Variants in HHIP observed in about 807,000 individuals in gnomAD.
HHIP encodes the protein hedgehog interacting protein, also known as hedgehog-interacting protein.
HHIP carries 12 observed loss-of-function variants against 74.0 expected under a neutral mutation model. That is an observed-to-expected ratio of 0.16 (90% confidence interval 0.10 to 0.26). The LOEUF (loss-of-function observed/expected upper bound fraction) is 0.26. Among genes scored for constraint, HHIP ranks in the 10% least tolerant of loss-of-function variants. HHIP has a pLI of 1.00. For missense variants in HHIP, 788 were observed against 845.0 expected, an observed-to-expected ratio of 0.93 and a Z score of 0.84; for synonymous variants, 309 against 311.6, an observed-to-expected ratio of 0.99 and a Z score of 0.09.
At chr4:144,677,571 A>G (rs1414150457) in intron 4 of HHIP, among the ~76,000 whole-genome samples, 1 of 152,200 alleles carries the variant, frequency 6.6e-6, no homozygotes, top group Admixed American at 6.5e-5. Flanking sequence ...CTCAGCCACA[A>G]GTGTGGAAAG....
intron 1 of HHIP, among the ~76,000 whole-genome samples, 158 bp from the exon 2 acceptor site, chr4:144,652,447 T>C (rs1420349377): frequency 6.6e-6 from 1 of 152,134 alleles, no homozygotes; most frequent in African/African-American, 2.4e-5. Flanking sequence ...ACTTGTATCC[T>C]TATAAAGGCA....
chr4:144,721,386 C>A (rs1287404935), intron 11 of HHIP, among the ~76,000 whole-genome samples: 1 of 151,934 alleles, frequency 6.6e-6, no homozygotes, highest in African/African-American at 2.4e-5. Flanking sequence ...TTGGCAAAAA[C>A]AGATAAGGTT....
In HHIP at chr4:144,706,701, G is replaced by A. The variant is rs200075681; in HGVS notation, c.983+19G>A. ...TATCCAGGTATCACTAAAAGGCATC[G>A]AAGCATAGAAATTTCTCATCTTATT... is the stretch of plus-strand genomic sequence containing the variant. On this transcript the variant is annotated intron_variant, in intron 5 of 12. Transcript: ENST00000296575. 118 of 1,567,016 alleles carry A rather than the reference G, an allele frequency of 7.5e-5. No individual in the cohort carries two copies. The highest frequency in any genetic ancestry group is 9.5e-5 in the Non-Finnish European group (110 of 1,162,862).
At chr4:144,663,781 A>C (rs1222750555) in intron 4 of HHIP, among the ~76,000 whole-genome samples, 1 of 152,200 alleles carries the variant, frequency 6.6e-6, no homozygotes, top group African/African-American at 2.4e-5. Flanking sequence ...GCTAGTTGGC[A>C]AAATTGCTAT....
chr4:144,688,220 C>A (rs896375538), intron 4 of HHIP, among the ~76,000 whole-genome samples: 4 of 152,106 alleles, frequency 2.6e-5, no homozygotes, highest in African/African-American at 9.7e-5. Context: ...CCCAAGTCAG[C>A]CTTGGTTCCC....
intron 1 of HHIP, among the ~76,000 whole-genome samples, chr4:144,651,531 T>C (rs920173527): frequency 6.6e-6 from 1 of 152,028 alleles, no homozygotes; most frequent in Non-Finnish European, 1.5e-5. Flanking sequence ...GAATTTAAAA[T>C]GCTAATTTTG....
Position 144,725,894 on chromosome 4 carries a change from C to T in HHIP, c.1760+6938C>T, listed in dbSNP as rs1031949759. The stretch of plus-strand genomic sequence containing the variant: ...CCATGTTGGCCAGGCTGGTCTCGAA[C>T]TCCTGGCCTCAGGTGATCTGCCTGG... On this transcript the variant is annotated intron_variant, in intron 11 of 12. Coordinates refer to ENST00000296575, the MANE Select transcript of HHIP (RefSeq NM_022475.3). Among the ~76,000 whole-genome samples, 11 of 152,148 alleles carry T rather than the reference C, an allele frequency of 7.2e-5. No individual in the cohort carries two copies. The South Asian group carries it at 2.1e-3, about 29-fold the overall frequency.
intron 4 of HHIP, among the ~76,000 whole-genome samples, chr4:144,680,626 G>C (rs1487128974): frequency 6.6e-6 from 1 of 152,180 alleles, no homozygotes; most frequent in Non-Finnish European, 1.5e-5. Context: ...CTACATCAGA[G>C]CTATGACTAT....
intron 4 of HHIP, among the ~76,000 whole-genome samples, chr4:144,672,804 C>T (rs557447025): frequency 3.6e-4 from 55 of 152,172 alleles, no homozygotes; most frequent in African/African-American, 1.2e-3. Flanking sequence ...CGGGTTCAAG[C>T]GATTCTCCTG....
chr4:144,667,483 T>G (rs1261503487), intron 4 of HHIP, among the ~76,000 whole-genome samples: 1 of 152,262 alleles, frequency 6.6e-6, no homozygotes, highest in Non-Finnish European at 1.5e-5. Context: ...GTGGACTGGC[T>G]TTCTTTACCT....
At chr4:144,657,936 A>C (rs563501784) in intron 2 of HHIP, among the ~76,000 whole-genome samples, 2 of 152,340 alleles carry the variant, frequency 1.3e-5, no homozygotes, top group East Asian at 3.9e-4. Flanking sequence ...ATCATTACAC[A>C]GTGAGTCAGT....
intron 5 of HHIP, 145 bp downstream of exon 5, chr4:144,706,827 CAT>C: frequency 1.3e-6 from 1 of 771,626 alleles, no homozygotes; most frequent in Non-Finnish European, 2.1e-6. Flanking sequence ...CTGAAAACTC[CAT>C]ATGTGTCTTT....
intron 4 of HHIP, among the ~76,000 whole-genome samples, chr4:144,668,692 C>T (rs6537303): frequency 6.6e-6 from 1 of 151,792 alleles, no homozygotes; most frequent in East Asian, 1.9e-4. Context: ...GCAGACGGTG[C>T]AGTGAGCCGA....
In HHIP at chr4:144,647,093, T is replaced by C. The variant is rs1728287054; in HGVS notation, c.279+139T>C. On this transcript the variant is annotated intron_variant, in intron 1 of 12. Coordinates refer to ENST00000296575, the MANE Select transcript of HHIP (RefSeq NM_022475.3). ...TCTTTCCATAACTTTTCTATAGCGC[T>C]AACGTGATTCCGTTGTGTGTTCCTC... 5 of 670,602 alleles carry C rather than the reference T, an allele frequency of 7.5e-6. No individual in the cohort carries two copies. The Admixed American group carries it at 1.2e-4, about 16-fold the overall frequency. The allele number at this position is 670,602 out of a possible 1,614,324, so 41.5% of individuals were successfully genotyped here.
rs752170159 is a variant in HHIP, at chr4:144,646,720, T to C, written c.45T>C (p.Ala15=). The change falls in exon 1 of 13, where the codon GCT becomes GCC. Residue 15 remains alanine, a synonymous_variant. Transcript: ENST00000296575. ...LSFKLLLLAV[A]LGFFEGDAKF... is the part of the protein sequence containing the mutation. ...TTAAGCTGCTGCTGCTGGCCGTGGC[T>C]CTGGGCTTCTTTGAAGGAGATGCTA... The C allele has an allele frequency of 1.2e-6, 2 of 1,614,114 alleles. No homozygotes were observed. Among genetic ancestry groups the C allele is most frequent in the South Asian group, 2.2e-5 (2 of 91,072 alleles).
intron 1 of HHIP, among the ~76,000 whole-genome samples, chr4:144,647,683 T>C (rs1027185085): frequency 3.9e-5 from 5 of 129,580 alleles, no homozygotes; most frequent in Non-Finnish European, 7.3e-5. Context: ...TATCCTTGTG[T>C]TAATAAGTTT....
At chr4:144,718,743 C>T (rs1360742610) in intron 10 of HHIP, 132 bp from the exon 11 acceptor site, 1 of 681,296 alleles carries the variant, frequency 1.5e-6, no homozygotes, top group East Asian at 2.7e-5. Context: ...GAGACTCTTG[C>T]ATAATCTTTA....
intron 11 of HHIP, among the ~76,000 whole-genome samples, chr4:144,721,047 G>A (rs919036698): frequency 3.9e-5 from 6 of 152,064 alleles, no homozygotes; most frequent in Admixed American, 2.0e-4. Context: ...ATATAGACAC[G>A]TTTTGTTATA....
At chr4:144,696,471 C>A (rs1729821243) in intron 4 of HHIP, among the ~76,000 whole-genome samples, 1 of 151,876 alleles carries the variant, frequency 6.6e-6, no homozygotes, top group African/African-American at 2.4e-5. Context: ...CCTTGTAGAA[C>A]TTCAGAAACC....
Sources: gnomAD v4.1 joint callset for allele counts (sites outside exome capture counted in the v4.1 genomes callset) on GRCh38, gnomAD v4.1.1 for gene constraint, MANE v1.5 for transcripts, NCBI Gene and HGNC (gene_info 2026-07-23, HGNC 2026-07-21) for gene names.